HMGB1: variants seen among roughly 807,000 people sequenced by gnomAD.
HMGB1 encodes high mobility group protein B1.
For missense variants in HMGB1, 79 were observed against 253.5 expected (o/e 0.31, Z 4.67); for synonymous variants, 81 against 84.0 (o/e 0.96, Z 0.19).
intron 1 of HMGB1, among the ~76,000 whole-genome samples, chr13:30,615,170 TGACA>T (rs1176091711): frequency 6.6e-6 from 1 of 152,226 alleles, no homozygotes; most frequent in African/African-American, 2.4e-5. Flanking sequence ...ATGCATGATA[TGACA>T]GACACACAAT....
intron 1 of HMGB1, among the ~76,000 whole-genome samples, chr13:30,562,132 G>C (rs1869982454): frequency 6.6e-6 from 1 of 152,010 alleles, no homozygotes; most frequent in Admixed American, 6.5e-5. Flanking sequence ...GACTGGCCTG[G>C]TCAACATGGC....
intron 1 of HMGB1, among the ~76,000 whole-genome samples, chr13:30,497,312 C>T (rs570897819): frequency 3.7e-4 from 57 of 152,170 alleles, no homozygotes; most frequent in African/African-American, 1.1e-3. Flanking sequence ...CTGCAACCTC[C>T]GCCTTCCGGG....
At chr13:30,591,961 A>G (rs990634039) in intron 1 of HMGB1, among the ~76,000 whole-genome samples, 4 of 152,166 alleles carry the variant, frequency 2.6e-5, no homozygotes, top group African/African-American at 7.2e-5. Context: ...AAGACCAGTT[A>G]TATTATATAC....
intron 1 of HMGB1, among the ~76,000 whole-genome samples, chr13:30,597,091 T>C (rs1218476455): frequency 6.6e-6 from 1 of 152,250 alleles, no homozygotes; most frequent in Non-Finnish European, 1.5e-5. Flanking sequence ...GGTTAGATTA[T>C]GCCCCTTACA....
chr13:30,506,214 C>A (rs1373088888), intron 1 of HMGB1, among the ~76,000 whole-genome samples: 1 of 152,112 alleles, frequency 6.6e-6, no homozygotes, highest in Non-Finnish European at 1.5e-5. Context: ...TGGGGCCTTG[C>A]AGGGAGGAAT....
At chr13:30,538,468 TTC>T (rs1431397113) in intron 1 of HMGB1, among the ~76,000 whole-genome samples, 2 of 43,984 alleles carry the variant, frequency 4.5e-5, no homozygotes, top group Admixed American at 2.3e-4. Context: ...CTTTCTTTCT[TTC>T]TTTCTTTCTT....
At chr13:30,560,777 T>C (rs1403972790) in intron 1 of HMGB1, among the ~76,000 whole-genome samples, 1 of 152,176 alleles carries the variant, frequency 6.6e-6, no homozygotes, top group Non-Finnish European at 1.5e-5. Flanking sequence ...AATTCTAGCA[T>C]GATAGGCTCA....
chr13:30,590,092 A>C (rs971641886), intron 1 of HMGB1, among the ~76,000 whole-genome samples: 3 of 152,068 alleles, frequency 2.0e-5, no homozygotes, highest in African/African-American at 4.8e-5. Context: ...TTATAAATGA[A>C]ATAGAGATTA....
intron 1 of HMGB1, among the ~76,000 whole-genome samples, chr13:30,486,289 C>G (rs1887361245): frequency 6.6e-6 from 1 of 152,192 alleles, no homozygotes; most frequent in Admixed American, 6.5e-5. Flanking sequence ...CATATGGTCC[C>G]ACATGGGCAG....
At chr13:30,573,577 A>C (rs781119323) in intron 1 of HMGB1, among the ~76,000 whole-genome samples, 6 of 152,236 alleles carry the variant, frequency 3.9e-5, no homozygotes, top group African/African-American at 7.2e-5. Flanking sequence ...AATTATTCAA[A>C]ACTTCACATA....
At chr13:30,535,944 A>G (rs1181610156) in intron 1 of HMGB1, among the ~76,000 whole-genome samples, 1 of 152,192 alleles carries the variant, frequency 6.6e-6, no homozygotes, top group Admixed American at 6.6e-5. Flanking sequence ...TTAAGACAGG[A>G]ATATAGGCAA....
At chr13:30,605,902 A>C (rs1950453508) in intron 1 of HMGB1, among the ~76,000 whole-genome samples, 1 of 152,224 alleles carries the variant, frequency 6.6e-6, no homozygotes, top group Admixed American at 6.5e-5. Flanking sequence ...CCCTCTAAAT[A>C]TACCTCGGAT....
At chr13:30,544,200 A>T (rs975653234) in intron 1 of HMGB1, among the ~76,000 whole-genome samples, 1 of 152,230 alleles carries the variant, frequency 6.6e-6, no homozygotes, top group African/African-American at 2.4e-5. Context: ...TCACCTCAGA[A>T]TGTCCACTTC....
chr13:30,595,086 T>C (rs1871542598), intron 1 of HMGB1, among the ~76,000 whole-genome samples: 2 of 152,186 alleles, frequency 1.3e-5, no homozygotes, highest in African/African-American at 4.8e-5. Context: ...ATTCTTCATC[T>C]AGTAAACTCT....
chr13:30,499,659 T>C (rs1887691106), intron 1 of HMGB1, among the ~76,000 whole-genome samples: 1 of 152,236 alleles, frequency 6.6e-6, no homozygotes, highest in Non-Finnish European at 1.5e-5. Context: ...CCTTCATTAA[T>C]TGTAGATTCC....
intron 1 of HMGB1, among the ~76,000 whole-genome samples, chr13:30,520,069 C>G (rs577256298): frequency 6.6e-6 from 1 of 152,324 alleles, no homozygotes; most frequent in African/African-American, 2.4e-5. Context: ...TGCCCATAAT[C>G]CCAGCACTTT....
rs1886171464 is a variant in HMGB1 at position 30,459,493 on chromosome 13, ATT to A, written c.*1862_*1863del. 6.6e-6 allele frequency: 1 copy of A among 152,118 alleles called. No individual in the cohort carries two copies. Among genetic ancestry groups the A allele is most frequent in the Non-Finnish European group, 1.5e-5 (1 of 68,012 alleles). The allele number at this position is 152,118 out of a possible 1,614,324, so 9.4% of individuals were successfully genotyped here. A position where few individuals can be genotyped will look rare whatever the true frequency, so the allele number is the denominator to read the frequency against. ...CAGTAGAAACTTCCATCTAAATCAG[ATT>A]GAGTCATTTGCTCCTCTTAACAAAA... On this transcript the variant is annotated 3_prime_UTR_variant, in exon 5 of 5. Transcript: ENST00000341423.
At chr13:30,594,743 C>T (rs1871527622) in intron 1 of HMGB1, among the ~76,000 whole-genome samples, 1 of 152,104 alleles carries the variant, frequency 6.6e-6, no homozygotes, top group Non-Finnish European at 1.5e-5. Context: ...GGGTATATAC[C>T]CAGTAATGGG....
intron 1 of HMGB1, among the ~76,000 whole-genome samples, chr13:30,582,592 C>G (rs1467966839): frequency 2.6e-5 from 4 of 151,460 alleles, no homozygotes; most frequent in Non-Finnish European, 5.9e-5. Context: ...GAGCTGAGAT[C>G]GTGCCACTGC....
Sources: allele counts gnomAD v4.1 joint callset (sites outside exome capture counted in the v4.1 genomes callset), GRCh38; gene constraint gnomAD v4.1.1; transcripts MANE v1.5; gene names NCBI Gene and HGNC (gene_info 2026-07-23, HGNC 2026-07-21).